TRPS1: variants seen among roughly 807,000 people sequenced by gnomAD.
The protein encoded by TRPS1 is zinc finger transcription factor Trps1.
A neutral mutation model predicts 101.2 loss-of-function variants in TRPS1; 6 were observed. That is an observed-to-expected ratio of 0.06 (90% CI 0.03 to 0.12). The LOEUF (loss-of-function observed/expected upper bound fraction) is 0.12. Ranked by LOEUF, TRPS1 falls within the 10% of genes least tolerant of loss-of-function variation. The pLI, the probability that TRPS1 is intolerant of heterozygous loss-of-function variation, is 1.00. For synonymous variants in TRPS1, 578 were observed against 589.8 expected, an observed-to-expected ratio of 0.98 and a Z score of 0.29; for missense variants, 1,363 against 1,567.0, an observed-to-expected ratio of 0.87 and a Z score of 2.20.
chr8:115,548,415 G>A (rs996067214), intron 5 of TRPS1, among the ~76,000 whole-genome samples: 8 of 152,094 alleles, frequency 5.3e-5, no homozygotes, highest in African/African-American at 1.7e-4. Flanking sequence ...CCAGCTCACC[G>A]CAACCTCTGC....
chr8:115,602,009 G>A (rs1055686524), intron 4 of TRPS1, among the ~76,000 whole-genome samples: 1 of 151,996 alleles, frequency 6.6e-6, no homozygotes, highest in Non-Finnish European at 1.5e-5. Flanking sequence ...TTTATTTCTT[G>A]GGGGATTATT....
At chr8:115,513,791 T>C (rs1815641963) in intron 5 of TRPS1, among the ~76,000 whole-genome samples, 1 of 151,636 alleles carries the variant, frequency 6.6e-6, no homozygotes, top group Admixed American at 6.6e-5. Context: ...AGTCTCCTGA[T>C]CCTCTCAACA....
At chr8:115,559,616 T>C (rs564488870) in intron 5 of TRPS1, among the ~76,000 whole-genome samples, 1 of 152,158 alleles carries the variant, frequency 6.6e-6, no homozygotes, top group Non-Finnish European at 1.5e-5. Context: ...TATATGTTTA[T>C]TGAATGTGTG....
intron 5 of TRPS1, among the ~76,000 whole-genome samples, chr8:115,479,871 C>T (rs1814707332): frequency 6.6e-6 from 1 of 152,106 alleles, no homozygotes. Context: ...CATTTGATCA[C>T]AGCATCAGAA....
chr8:115,581,203 A>C (rs1241319558), intron 5 of TRPS1, among the ~76,000 whole-genome samples: 1 of 152,166 alleles, frequency 6.6e-6, no homozygotes, highest in African/African-American at 2.4e-5. Flanking sequence ...AAAAAAAAAA[A>C]AATTTATCTT....
At chr8:115,513,698 C>T (rs1363853970) in intron 5 of TRPS1, among the ~76,000 whole-genome samples, 4 of 686 alleles carry the variant, frequency 5.8e-3, no homozygotes, top group Non-Finnish European at 0.011. Context: ...AAAACATTTA[C>T]TATAGAAAAA....
At chr8:115,505,814 T>C (rs1377569556) in intron 5 of TRPS1, among the ~76,000 whole-genome samples, 3 of 152,092 alleles carry the variant, frequency 2.0e-5, no homozygotes, top group South Asian at 2.1e-4. Flanking sequence ...TGTGAAAACG[T>C]AGGACATATA....
At chr8:115,474,831 A>G (rs997740304) in intron 5 of TRPS1, among the ~76,000 whole-genome samples, 2 of 152,120 alleles carry the variant, frequency 1.3e-5, no homozygotes, top group African/African-American at 4.8e-5. Context: ...TTAAAACTCT[A>G]CTTAAGAGAC....
rs1817489656 is a variant in TRPS1 at position 115,583,212 on chromosome 8, C to T, written c.2700+3789G>A. Reference sequence around the variant, plus strand: ...TATTCAGGAAACAATAAAATTAATACAGTTGCATCTGCATAAATTTATCTA... The same window carrying T: ...TATTCAGGAAACAATAAAATTAATATAGTTGCATCTGCATAAATTTATCTA... On this transcript the variant is annotated intron_variant, in intron 5 of 6. Coordinates refer to ENST00000395715, the MANE Select transcript of TRPS1 (RefSeq NM_014112.5). Among the ~76,000 whole-genome samples the T allele has an allele frequency of 2.6e-5, 4 of 151,946 alleles. 1 individual carries two copies. The South Asian group carries it at 8.3e-4, about 32-fold the overall frequency.
intron 1 of TRPS1, among the ~76,000 whole-genome samples, chr8:115,659,204 A>G (rs567728977): frequency 1.3e-3 from 205 of 152,094 alleles, no homozygotes; most frequent in African/African-American, 4.8e-3. Flanking sequence ...TTTATAAGCT[A>G]CAGAAAATAG....
chr8:115,623,005 G>A (rs1306387204), intron 2 of TRPS1, among the ~76,000 whole-genome samples: 1 of 152,072 alleles, frequency 6.6e-6, no homozygotes, highest in Non-Finnish European at 1.5e-5. Context: ...TTGATTTATT[G>A]TTACATTGAA....
intron 5 of TRPS1, among the ~76,000 whole-genome samples, chr8:115,535,384 C>T (rs1816285138): frequency 7.1e-6 from 1 of 141,090 alleles, no homozygotes; most frequent in Non-Finnish European, 1.5e-5. Flanking sequence ...ATATATATAG[C>T]ACATATATAG....
intron 5 of TRPS1, among the ~76,000 whole-genome samples, chr8:115,575,117 A>T (rs1395843580): frequency 6.6e-6 from 1 of 152,082 alleles, no homozygotes; most frequent in African/African-American, 2.4e-5. Flanking sequence ...CAATTCTCAA[A>T]ATTTAAAATC....
At chr8:115,471,873 C>T (rs1008287559) in intron 5 of TRPS1, among the ~76,000 whole-genome samples, 2 of 152,202 alleles carry the variant, frequency 1.3e-5, no homozygotes, top group Non-Finnish European at 2.9e-5. Flanking sequence ...CCATGTGTCA[C>T]AAGTAGGTCA....
At position 115,411,252 on chromosome 8, in the gene TRPS1, A is replaced by G. The variant is rs1812782128; in HGVS notation, c.*2771T>C. On this transcript the variant is annotated 3_prime_UTR_variant, in exon 7 of 7. Transcript: ENST00000395715. Reference sequence around the variant, plus strand: ...CAAGAATAGTGATATGTATTTTCCAATGCTAGTCGTTACTACTATGTCTGT... The same window carrying G: ...CAAGAATAGTGATATGTATTTTCCAGTGCTAGTCGTTACTACTATGTCTGT... 1 of 152,392 alleles carries G rather than the reference A, an allele frequency of 6.6e-6. No individual in the cohort carries two copies. Among genetic ancestry groups the G allele is most frequent in the African/African-American group, 2.4e-5 (1 of 41,422 alleles). The allele number at this position is 152,392 out of a possible 1,614,324, so 9.4% of individuals were successfully genotyped here. A position where few individuals can be genotyped will look rare whatever the true frequency, so the allele number is the denominator to read the frequency against.
At chr8:115,548,500 G>A (rs1033568366) in intron 5 of TRPS1, among the ~76,000 whole-genome samples, 3 of 151,808 alleles carry the variant, frequency 2.0e-5, no homozygotes, top group East Asian at 2.0e-4. Context: ...CCGCCACCAC[G>A]CCCTGCTGAT....
intron 5 of TRPS1, among the ~76,000 whole-genome samples, chr8:115,566,640 G>A (rs1469134105): frequency 6.6e-6 from 1 of 151,386 alleles, no homozygotes; most frequent in East Asian, 1.9e-4. Flanking sequence ...GATTAATTTT[G>A]TCACTCATTC....
At chr8:115,437,602 T>A (rs984908731) in intron 5 of TRPS1, among the ~76,000 whole-genome samples, 41 of 152,154 alleles carry the variant, frequency 2.7e-4, no homozygotes, top group Non-Finnish European at 1.3e-4. Context: ...AATAAATAAT[T>A]GACAAAAGTG....
intron 1 of TRPS1, among the ~76,000 whole-genome samples, chr8:115,651,205 T>A (rs58559020): frequency 1.3e-5 from 2 of 152,204 alleles, no homozygotes; most frequent in Admixed American, 6.5e-5. Context: ...TCTCCTTTTT[T>A]TATACTTTTC....
Sources: allele counts gnomAD v4.1 joint callset (sites outside exome capture counted in the v4.1 genomes callset), GRCh38; gene constraint gnomAD v4.1.1; transcripts MANE v1.5; gene names NCBI Gene and HGNC (gene_info 2026-07-23, HGNC 2026-07-21).